The following CLIC2 variants were observed in gnomAD, a reference collection of about 807,000 sequenced individuals.
CLIC2 encodes the protein chloride intracellular channel protein 2.
In CLIC2, 9 loss-of-function variants were observed where a neutral mutation model predicts 14.8. The ratio of observed to expected loss-of-function variants is 0.61; its 90% CI spans 0.37 to 1.06. The LOEUF (loss-of-function observed/expected upper bound fraction) is 1.06. Among genes scored for constraint, CLIC2 ranks in the 50% least tolerant of loss-of-function variants. The probability of loss-of-function intolerance (pLI) is 0.01; values close to 1 mark genes in which losing one functional copy is unlikely to be tolerated. For synonymous variants in CLIC2, 61 were observed against 66.3 expected (o/e 0.92, Z 0.39); for missense variants, 148 against 181.4 (o/e 0.82, Z 1.06).
chrX:155,278,164 C>T (rs1350402461), intron 5 of CLIC2, 100 bp from the exon 6 acceptor site: 39 of 707,918 alleles, frequency 5.5e-5, no homozygotes, highest in South Asian at 5.2e-4. Flanking sequence ...GGCATCTTAT[C>T]GACACAAAAA....
At chrX:155,292,895 C>G in intron 3 of CLIC2, 1 of 1,012,027 alleles carries the variant, frequency 9.9e-7, no homozygotes, top group Non-Finnish European at 1.4e-6. Flanking sequence ...ATCCAGGTGC[C>G]TCAAGGGAAG....
chrX:155,304,014 T>G (rs2075033640), intron 1 of CLIC2, among the ~76,000 whole-genome samples: 1 of 106,401 alleles, frequency 9.4e-6, no homozygotes, highest in Non-Finnish European at 1.9e-5. Context: ...GCCCTTAACA[T>G]TTTTTCCTTC....
chrX:155,330,008 G>C (rs1189022361), intron 1 of CLIC2, among the ~76,000 whole-genome samples: 1 of 111,176 alleles, frequency 9.0e-6, no homozygotes, highest in Non-Finnish European at 1.9e-5. Flanking sequence ...CTCATAGAGA[G>C]AGTAAAGGAT....
intron 3 of CLIC2, chrX:155,291,177 C>T: frequency 1.0e-6 from 1 of 996,875 alleles, no homozygotes; most frequent in Admixed American, 2.2e-5. Flanking sequence ...TAATATATAG[C>T]ACAGTTGTTT....
At chrX:155,287,585 C>T (rs1246654247) in intron 3 of CLIC2, among the ~76,000 whole-genome samples, 2 of 111,550 alleles carry the variant, frequency 1.8e-5, no homozygotes, top group South Asian at 3.7e-4. Flanking sequence ...CCACCTGCCT[C>T]GGCCTCCAAA....
At chrX:155,314,592 A>G (rs1421916316) in intron 1 of CLIC2, among the ~76,000 whole-genome samples, 2 of 112,114 alleles carry the variant, frequency 1.8e-5, no homozygotes, top group African/African-American at 6.5e-5. Context: ...CCCCTCCCAG[A>G]TCTTCCCTCT....
At position 155,304,374 on chromosome X, in the gene CLIC2, G is replaced by A. The variant is rs781855248; in HGVS notation, c.58-5229C>T. On this transcript the variant is annotated intron_variant, in intron 1 of 5. Coordinates refer to ENST00000369449, the MANE Select transcript of CLIC2 (RefSeq NM_001289.6). ...ACCCTTTCTTCCAGTTCATCGCTTTGGCTCCTGAGGCTTCTGCATTCTTCA... is the reference window on the plus strand; with the variant it reads ...ACCCTTTCTTCCAGTTCATCGCTTTAGCTCCTGAGGCTTCTGCATTCTTCA... Among the ~76,000 whole-genome samples, 98 of 97,895 alleles carry A rather than the reference G, an allele frequency of 1.0e-3. 2 individuals carry two copies. Among genetic ancestry groups the A allele is most frequent in the African/African-American group, 3.3e-3 (90 of 27,103 alleles). 85.0% of individuals were successfully genotyped at this position (97,895 alleles called of 115,157 possible). A position where few individuals can be genotyped will look rare whatever the true frequency, so the allele number is the denominator to read the frequency against.
intron 1 of CLIC2, among the ~76,000 whole-genome samples, chrX:155,330,934 T>C (rs1305840787): frequency 9.0e-6 from 1 of 110,943 alleles, no homozygotes; most frequent in Non-Finnish European, 1.9e-5. Context: ...ACGGCTGCTC[T>C]GATCTATTAT....
intron 3 of CLIC2, chrX:155,293,137 G>C: frequency 1.6e-6 from 1 of 635,879 alleles, no homozygotes; most frequent in Non-Finnish European, 2.7e-6. Flanking sequence ...GAAAAATAAA[G>C]GCACTTCGGA....
chrX:155,320,358 A>G (rs2075109958), intron 1 of CLIC2, among the ~76,000 whole-genome samples: 1 of 112,079 alleles, frequency 8.9e-6, no homozygotes, highest in Admixed American at 9.4e-5. Flanking sequence ...CTTCCAGAGG[A>G]AGGAACAGAA....
Position 155,297,860 on chromosome X carries a change from CAAAAAAAAAAA to C in CLIC2, c.293+914_293+924del, listed in dbSNP as rs200891873. The stretch of plus-strand genomic sequence containing the variant: ...GGGCGACAGAGCGAGACTCCGGTCT[CAAAAAAAAAAA>C]AAAAAAAAAAAAAAAGAAGGTGAAC... On this transcript the variant is annotated intron_variant, in intron 3 of 5. Coordinates refer to ENST00000369449, the MANE Select transcript of CLIC2 (RefSeq NM_001289.6). Among the ~76,000 whole-genome samples the C allele has an allele frequency of 3.9e-4, 2 of 5,123 alleles. 1 individual carries two copies. Among genetic ancestry groups the C allele is most frequent in the Non-Finnish European group, 9.6e-4 (2 of 2,086 alleles). 4.4% of individuals were successfully genotyped at this position (5,123 alleles called of 115,157 possible). A position where few individuals can be genotyped will look rare whatever the true frequency, so the allele number is the denominator to read the frequency against.
chrX:155,283,589 T>C (rs1770968365), intron 3 of CLIC2, among the ~76,000 whole-genome samples: 1 of 111,447 alleles, frequency 9.0e-6, no homozygotes, highest in South Asian at 3.8e-4. Context: ...GTGTGTGATG[T>C]TCCATCCTGT....
chrX:155,309,168 T>C (rs1222737849), intron 1 of CLIC2, among the ~76,000 whole-genome samples: 1 of 111,619 alleles, frequency 9.0e-6, no homozygotes, highest in Non-Finnish European at 1.9e-5. Context: ...TATCCAGGCA[T>C]GGTGGCACGT....
intron 3 of CLIC2, among the ~76,000 whole-genome samples, chrX:155,291,807 G>A (rs1557317639): frequency 1.8e-5 from 2 of 112,463 alleles, no homozygotes; most frequent in East Asian, 2.8e-4. Context: ...TGTAAAAAGA[G>A]TGCTAATGCC....
At chrX:155,283,049 A>G (rs2074925991) in intron 3 of CLIC2, among the ~76,000 whole-genome samples, 1 of 111,854 alleles carries the variant, frequency 8.9e-6, no homozygotes, top group South Asian at 3.8e-4. Flanking sequence ...GCTGACCCAC[A>G]GAGCCCCAGG....
chrX:155,286,053 T>C (rs2074941650), intron 3 of CLIC2, among the ~76,000 whole-genome samples: 1 of 111,597 alleles, frequency 9.0e-6, no homozygotes, highest in Non-Finnish European at 1.9e-5. Context: ...CATGGGAATT[T>C]GCTGTACAGA....
At chrX:155,332,396 G>C (rs2075159807) in intron 1 of CLIC2, among the ~76,000 whole-genome samples, 2 of 111,659 alleles carry the variant, frequency 1.8e-5, no homozygotes, top group African/African-American at 6.5e-5. Context: ...GATGATATTT[G>C]AGGTTCTTCC....
rs782510110 is a variant in CLIC2 at position 155,284,292 on chromosome X, T to C, written c.294-4224A>G. On this transcript the variant is annotated intron_variant, in intron 3 of 5. Coordinates refer to ENST00000369449, the MANE Select transcript of CLIC2 (RefSeq NM_001289.6). ...TTTTGAGATGGAGTTTTGCTCTTGT[T>C]GTCCATGCCCAGGCTAGAGTGCAAT... Among the ~76,000 whole-genome samples, 3 of 105,101 alleles carry C rather than the reference T, an allele frequency of 2.9e-5. No individual in the cohort carries two copies. In the South Asian group the frequency reaches 1.4e-3, roughly 48 times the overall value. 91.3% of individuals were successfully genotyped at this position (105,101 alleles called of 115,157 possible). A position where few individuals can be genotyped will look rare whatever the true frequency, so the allele number is the denominator to read the frequency against.
chrX:155,297,884 A>AAAAAAAAAAAAAAAAAGAAG lies in CLIC2; in HGVS notation c.293+900_293+901insCTTCTTTTTTTTTTTTTTTT, dbSNP rs1557318527. 3.8e-4 allele frequency among the ~76,000 whole-genome samples: 17 copies of AAAAAAAAAAAAAAAAAGAAG among 45,215 alleles called. 1 individual carries two copies. The highest frequency in any genetic ancestry group is 8.2e-4 in the Non-Finnish European group (17 of 20,616). 39.3% of individuals were successfully genotyped at this position (45,215 alleles called of 115,157 possible). On this transcript the variant is annotated intron_variant, in intron 3 of 5. Coordinates refer to ENST00000369449, the MANE Select transcript of CLIC2 (RefSeq NM_001289.6). ...TCAAAAAAAAAAAAAAAAAAAAAAA[A>AAAAAAAAAAAAAAAAAGAAG]AAGAAGGTGAACCATCAGAGAGACA...
Sources: allele counts gnomAD v4.1 joint callset (sites outside exome capture counted in the v4.1 genomes callset), GRCh38; gene constraint gnomAD v4.1.1; transcripts MANE v1.5; gene names NCBI Gene and HGNC (gene_info 2026-07-23, HGNC 2026-07-21).